The following IL15 variants were observed in gnomAD, a reference collection of about 807,000 sequenced individuals.
IL15 encodes the protein interleukin 15.
In IL15, 11 loss-of-function variants were observed where a neutral mutation model predicts 19.6. The ratio of observed to expected loss-of-function variants is 0.56; its 90% CI spans 0.35 to 0.93. The LOEUF is 0.93. Among genes scored for constraint, IL15 ranks in the 40% least tolerant of loss-of-function variants. The pLI, the probability that IL15 is intolerant of heterozygous loss-of-function variation, is 0.01. For synonymous variants in IL15, 58 were observed against 59.6 expected (o/e 0.97, Z 0.12); for missense variants, 197 against 186.5 (o/e 1.06, Z -0.33).
At chr4:141,695,564 A>G (rs575689878) in intron 2 of IL15, among the ~76,000 whole-genome samples, 1 of 151,876 alleles carries the variant, frequency 6.6e-6, no homozygotes, top group Non-Finnish European at 1.5e-5. Context: ...TCTTTGATAT[A>G]TTTATTTCAT....
At chr4:141,712,249 T>C (rs1729737627) in intron 2 of IL15, among the ~76,000 whole-genome samples, 1 of 152,132 alleles carries the variant, frequency 6.6e-6, no homozygotes, top group South Asian at 2.1e-4. Flanking sequence ...TTCACCTTAG[T>C]GAGTGTTTGA....
chr4:141,668,740 GC>G (rs1728076768), intron 2 of IL15, among the ~76,000 whole-genome samples: 1 of 152,104 alleles, frequency 6.6e-6, no homozygotes, highest in Non-Finnish European at 1.5e-5. Flanking sequence ...CTCCTGTTTA[GC>G]CTCCATTGAC....
intron 2 of IL15, among the ~76,000 whole-genome samples, chr4:141,668,063 G>T (rs1728049595): frequency 6.6e-6 from 1 of 152,154 alleles, no homozygotes; most frequent in African/African-American, 2.4e-5. Flanking sequence ...GCATTAAAAT[G>T]TATGTATACA....
chr4:141,728,416 A>T (rs1329608925), intron 6 of IL15, among the ~76,000 whole-genome samples: 1 of 152,108 alleles, frequency 6.6e-6, no homozygotes, highest in African/African-American at 2.4e-5. Context: ...ATTTTACATG[A>T]TTCTCTACAT....
intron 2 of IL15, among the ~76,000 whole-genome samples, chr4:141,661,968 A>G (rs1234316545): frequency 6.6e-6 from 1 of 152,030 alleles, no homozygotes; most frequent in African/African-American, 2.4e-5. Flanking sequence ...TGTTCCATGG[A>G]TTATTTAAAA....
intron 5 of IL15, 102 bp from the exon 6 acceptor site, chr4:141,727,838 A>C (rs2152192634): frequency 1.5e-6 from 1 of 653,352 alleles, no homozygotes; most frequent in East Asian, 2.9e-5. Flanking sequence ...ATCTCAAAAT[A>C]AAAAAAGAAT....
chr4:141,658,038 G>A (rs532750943), intron 2 of IL15, among the ~76,000 whole-genome samples: 173 of 152,242 alleles, frequency 1.1e-3, no homozygotes, highest in African/African-American at 3.9e-3. Context: ...TTATGACGTC[G>A]ATGTGGTTTG....
intron 1 of IL15, among the ~76,000 whole-genome samples, chr4:141,648,815 G>A (rs183638931): frequency 2.0e-5 from 3 of 152,140 alleles, no homozygotes; most frequent in South Asian, 2.1e-4. Flanking sequence ...ACTCTGAGCC[G>A]CTGCAACTTA....
intron 2 of IL15, among the ~76,000 whole-genome samples, chr4:141,686,531 C>T (rs988271362): frequency 6.6e-6 from 1 of 152,132 alleles, no homozygotes; most frequent in Non-Finnish European, 1.5e-5. Context: ...TCCTTAAATT[C>T]GTCATTCTCA....
intron 2 of IL15, among the ~76,000 whole-genome samples, chr4:141,705,519 A>G (rs1729484240): frequency 1.3e-5 from 2 of 152,054 alleles, no homozygotes; most frequent in Non-Finnish European, 2.9e-5. Context: ...ATCCTAAAAA[A>G]TGTTCCATAT....
chr4:141,729,863 C>T lies in IL15; in HGVS notation c.257C>T (p.Thr86Ile), dbSNP rs770313768. The T allele has an allele frequency of 6.4e-7, 1 of 1,569,296 alleles. No individual in the cohort carries two copies. Among genetic ancestry groups the T allele is most frequent in the South Asian group, 1.1e-5 (1 of 89,208 alleles). The part of the protein sequence containing the change: ...ESDVHPSCKV[T>I]AMKCFLLELQ... ...TATTTTTAGCCCAGTTGCAAAGTAA[C>T]AGCAATGAAGTGCTTTCTCTTGGAG... is the stretch of plus-strand genomic sequence containing the variant. Residue 86 changes from threonine (T) to isoleucine (I), a missense_variant, in exon 7 of 8, where the codon ACA (threonine) becomes ATA (isoleucine). Coordinates refer to ENST00000320650, the MANE Select transcript of IL15 (RefSeq NM_000585.5).
chr4:141,679,005 A>C (rs779243613), intron 2 of IL15, among the ~76,000 whole-genome samples: 1 of 152,188 alleles, frequency 6.6e-6, no homozygotes, highest in Non-Finnish European at 1.5e-5. Context: ...ACAGCTTTTG[A>C]ATCTTGTTTG....
At chr4:141,660,720 G>A (rs1727759269) in intron 2 of IL15, among the ~76,000 whole-genome samples, 1 of 152,094 alleles carries the variant, frequency 6.6e-6, no homozygotes, top group African/African-American at 2.4e-5. Context: ...TCTAAAGTAG[G>A]TTCCAACCCA....
chr4:141,711,384 T>C (rs958290886), intron 2 of IL15, among the ~76,000 whole-genome samples: 8 of 152,090 alleles, frequency 5.3e-5, no homozygotes, highest in African/African-American at 1.9e-4. Flanking sequence ...CTATTTAGGA[T>C]AGTATTTATT....
intron 7 of IL15, among the ~76,000 whole-genome samples, chr4:141,731,346 G>C (rs1365578173): frequency 1.3e-5 from 2 of 152,144 alleles, no homozygotes; most frequent in African/African-American, 4.8e-5. Flanking sequence ...AAATGGACAA[G>C]TGTTTTTGTT....
At chr4:141,670,993 G>A (rs56313527) in intron 2 of IL15, among the ~76,000 whole-genome samples, 1,654 of 152,266 alleles carry the variant, frequency 0.011, 30 homozygotes, top group East Asian at 0.076. Context: ...ATATATCACA[G>A]TTGTCTTAAA....
intron 2 of IL15, among the ~76,000 whole-genome samples, chr4:141,691,872 T>G (rs916775857): frequency 2.0e-5 from 3 of 152,216 alleles, no homozygotes; most frequent in African/African-American, 7.2e-5. Flanking sequence ...GTGGCTGTCT[T>G]CTGACAGCTC....
chr4:141,714,973 G>A (rs1273800333), intron 2 of IL15: 1 of 152,080 alleles, frequency 6.6e-6, no homozygotes, highest in East Asian at 1.9e-4. Context: ...TATCTAATGA[G>A]CCTTTCAAAC....
chr4:141,700,814 A>G (rs964709728), intron 2 of IL15, among the ~76,000 whole-genome samples: 3 of 152,210 alleles, frequency 2.0e-5, no homozygotes, highest in African/African-American at 7.2e-5. Context: ...GACTTTGTTC[A>G]TTAAAGAAAA....
Sources: allele counts gnomAD v4.1 joint callset (sites outside exome capture counted in the v4.1 genomes callset), GRCh38; gene constraint gnomAD v4.1.1; transcripts MANE v1.5; gene names NCBI Gene and HGNC (gene_info 2026-07-23, HGNC 2026-07-21).